The following CRB1 variants were observed in gnomAD, a reference collection of about 807,000 sequenced individuals.
CRB1 encodes crumbs cell polarity complex component 1.
CRB1 carries 83 observed loss-of-function variants against 120.0 expected under a neutral mutation model. That is an observed-to-expected ratio of 0.69 (90% CI 0.58 to 0.83). The LOEUF (loss-of-function observed/expected upper bound fraction) is 0.83, where lower values mean the gene tolerates loss of function less well. Ranked by LOEUF, CRB1 falls within the 40% of genes least tolerant of loss-of-function variation. CRB1 has a pLI of 0.00. For missense variants in CRB1, 1,699 were observed against 1,687.6 expected, an observed-to-expected ratio of 1.01 and a Z score of -0.12; for synonymous variants, 625 against 612.5, an observed-to-expected ratio of 1.02 and a Z score of -0.30.
At chr1:197,393,522 T>TA (rs1430682187) in intron 5 of CRB1, among the ~76,000 whole-genome samples, 2 of 68,468 alleles carry the variant, frequency 2.9e-5, no homozygotes, top group Non-Finnish European at 6.3e-5. Context: ...AAAGTAGTCA[T>TA]TTTTTTTGAA....
chr1:197,246,730 T>G, the CRB1 span, among the ~76,000 whole-genome samples: 1 of 152,114 alleles, frequency 6.6e-6, no homozygotes, highest in African/African-American at 2.4e-5. Context: ...CAAAATTCAG[T>G]GTACATAAGT....
At chr1:197,448,238 G>A (rs1665794635) in intron 11 of CRB1, among the ~76,000 whole-genome samples, 1 of 152,034 alleles carries the variant, frequency 6.6e-6, no homozygotes, top group Non-Finnish European at 1.5e-5. Context: ...TCTTCATGTG[G>A]TTTGTTATTT....
intron 2 of CRB1, among the ~76,000 whole-genome samples, chr1:197,332,023 C>T (rs567008409): frequency 6.6e-6 from 1 of 151,958 alleles, no homozygotes; most frequent in African/African-American, 2.4e-5. Flanking sequence ...AAATACAAGT[C>T]CCAGCTACTG....
intron 11 of CRB1, chr1:197,443,162 T>C (rs1665538421): frequency 6.6e-6 from 1 of 151,454 alleles, no homozygotes; most frequent in Admixed American, 6.6e-5. Flanking sequence ...CGATTAAAAT[T>C]ACTGATTATA....
chr1:197,269,745 A>G (rs1248208702), intron 1 of CRB1, among the ~76,000 whole-genome samples: 1 of 152,136 alleles, frequency 6.6e-6, no homozygotes, highest in Non-Finnish European at 1.5e-5. Context: ...TGTAATATAT[A>G]TGGAAATTCC....
At chr1:197,327,021 G>A (rs1345947469) in intron 1 of CRB1, among the ~76,000 whole-genome samples, 2 of 145,278 alleles carry the variant, frequency 1.4e-5, no homozygotes, top group Non-Finnish European at 3.0e-5. Flanking sequence ...AAAGGTAAGA[G>A]CTAGCATTTA....
At chr1:197,430,493 A>AC in intron 8 of CRB1, among the ~76,000 whole-genome samples, 1 of 152,006 alleles carries the variant, frequency 6.6e-6, no homozygotes, top group African/African-American at 2.4e-5. Context: ...GGAGTAAAAA[A>AC]CCCTTTAATG....
intron 11 of CRB1, chr1:197,443,490 T>C (rs2125516217): frequency 6.6e-6 from 1 of 152,130 alleles, no homozygotes; most frequent in Non-Finnish European, 1.5e-5. Flanking sequence ...AATGGACTAA[T>C]TTCAGTTGCT....
chr1:197,371,512 GA>G (rs1661369432), intron 5 of CRB1, among the ~76,000 whole-genome samples: 1 of 152,124 alleles, frequency 6.6e-6, no homozygotes, highest in African/African-American at 2.4e-5. Flanking sequence ...ATTTCATCAG[GA>G]AAATAGTATC....
intron 1 of CRB1, among the ~76,000 whole-genome samples, chr1:197,297,748 A>G (rs1379626246): frequency 2.8e-4 from 42 of 152,138 alleles, no homozygotes. Flanking sequence ...ATGACAACTG[A>G]GAAAAGAGAA....
At chr1:197,266,039 C>T (rs1654623023), upstream of CRB1, among the ~76,000 whole-genome samples, 1 of 152,084 alleles carries the variant, frequency 6.6e-6, no homozygotes, top group Non-Finnish European at 1.5e-5. Flanking sequence ...CTCTTCACAC[C>T]TATGTTTCTG....
At chr1:197,336,342 G>T (rs1287850645) in intron 2 of CRB1, among the ~76,000 whole-genome samples, 1 of 152,056 alleles carries the variant, frequency 6.6e-6, no homozygotes, top group Non-Finnish European at 1.5e-5. Flanking sequence ...CACTTTGAAG[G>T]CATCTGTGGC....
chr1:197,369,528 T>G (rs1661259240), intron 5 of CRB1, among the ~76,000 whole-genome samples: 1 of 151,656 alleles, frequency 6.6e-6, no homozygotes, highest in African/African-American at 2.4e-5. Context: ...TACCTGCCAT[T>G]GGCAAAAAAA....
chr1:197,223,967 AG>A, the CRB1 span, among the ~76,000 whole-genome samples: 1 of 152,170 alleles, frequency 6.6e-6, no homozygotes, highest in Non-Finnish European at 1.5e-5. Context: ...TTTTTAGTTC[AG>A]TAACTTCTCC....
At chr1:197,225,560 G>A in the CRB1 span, among the ~76,000 whole-genome samples, 1 of 152,170 alleles carries the variant, frequency 6.6e-6, no homozygotes, top group South Asian at 2.1e-4. Flanking sequence ...AAATGAATGG[G>A]CAATGAAATG....
chr1:197,216,327 A>G, the CRB1 span, among the ~76,000 whole-genome samples: 1 of 152,182 alleles, frequency 6.6e-6, no homozygotes, highest in Non-Finnish European at 1.5e-5. Flanking sequence ...CAAAATATCT[A>G]TGAGGACAGA....
At chr1:197,338,509 T>A (rs987198777) in intron 2 of CRB1, among the ~76,000 whole-genome samples, 1 of 152,212 alleles carries the variant, frequency 6.6e-6, no homozygotes, top group Admixed American at 6.5e-5. Flanking sequence ...ACATTCTTTC[T>A]CTTCCTAGAA....
chr1:197,405,032 T>C (rs915144634), intron 5 of CRB1, among the ~76,000 whole-genome samples: 5 of 151,824 alleles, frequency 3.3e-5, no homozygotes, highest in Non-Finnish European at 7.4e-5. Flanking sequence ...TTGTTAATAA[T>C]GTGCTCGCCC....
In CRB1 at chr1:197,362,212, T is replaced by C. The variant is rs575016435; in HGVS notation, c.1171+5199T>C. On this transcript the variant is annotated intron_variant, in intron 5 of 11. Coordinates refer to ENST00000367400, the MANE Select transcript of CRB1 (RefSeq NM_201253.3). ...TTATGATTAGAGAACACATTCTGTA[T>C]AATTTCAAATAATTCAAATTATTTC... 5.9e-5 allele frequency among the ~76,000 whole-genome samples: 9 copies of C among 152,278 alleles called. No homozygotes were observed. The East Asian group carries it at 1.7e-3, about 29-fold the overall frequency.
Sources: allele counts gnomAD v4.1 joint callset (sites outside exome capture counted in the v4.1 genomes callset), GRCh38; gene constraint gnomAD v4.1.1; transcripts MANE v1.5; gene names NCBI Gene and HGNC (gene_info 2026-07-23, HGNC 2026-07-21).